SCN9A: variants seen among roughly 807,000 people sequenced by gnomAD.
SCN9A encodes sodium channel protein type 9 subunit alpha.
SCN9A carries 131 observed loss-of-function variants against 187.0 expected under a neutral mutation model. The ratio of observed to expected loss-of-function variants is 0.70; its 90% CI spans 0.61 to 0.81. The LOEUF (loss-of-function observed/expected upper bound fraction) is 0.81, where lower values mean the gene tolerates loss of function less well. SCN9A is among the 30% of genes least tolerant of loss of function. The pLI, the probability that SCN9A is intolerant of heterozygous loss-of-function variation, is 0.00. For synonymous variants in SCN9A, 809 were observed against 808.6 expected (o/e 1.00, Z -0.01); for missense variants, 2,252 against 2,396.6 (o/e 0.94, Z 1.26).
At chr2:166,289,905 C>CT (rs1243586496) in intron 9 of SCN9A, among the ~76,000 whole-genome samples, 2 of 152,156 alleles carry the variant, frequency 1.3e-5, no homozygotes, top group East Asian at 3.9e-4. Context: ...TGATGATGAG[C>CT]TTTTTTTCAT....
intron 1 of SCN9A, among the ~76,000 whole-genome samples, chr2:166,359,821 A>C (rs1443220055): frequency 1.3e-5 from 2 of 151,926 alleles, no homozygotes; most frequent in East Asian, 3.9e-4. Context: ...TGGGTATTTC[A>C]TAATACCCTG....
intron 1 of SCN9A, among the ~76,000 whole-genome samples, chr2:166,373,036 C>T (rs1421482518): frequency 1.3e-5 from 2 of 152,086 alleles, no homozygotes; most frequent in Admixed American, 6.5e-5. Flanking sequence ...AAAAAAACCT[C>T]GAGTTGAGAT....
intron 17 of SCN9A, 134 bp downstream of exon 17, chr2:166,272,265 G>T: frequency 1.7e-6 from 1 of 574,416 alleles, no homozygotes. Context: ...AAGCTGTTGT[G>T]TAAAGTCACG....
At chr2:166,365,992 G>C (rs1700405468) in intron 1 of SCN9A, among the ~76,000 whole-genome samples, 1 of 152,188 alleles carries the variant, frequency 6.6e-6, no homozygotes, top group African/African-American at 2.4e-5. Context: ...GAGTATAAAT[G>C]CTGAGAGGAG....
rs116773598 is a variant in SCN9A, at chr2:166,344,982, C to T, written c.-51+30715G>A. Among the ~76,000 whole-genome samples, 310 of 152,258 alleles carry T rather than the reference C, an allele frequency of 2.0e-3. 1 individual carries two copies. Among genetic ancestry groups the T allele is most frequent in the African/African-American group, 7.1e-3 (297 of 41,556 alleles). On this transcript the variant is annotated intron_variant, in intron 1 of 26. Transcript: ENST00000642356. ...AGGAACTAAATGGAAGCTTTGACTA[C>T]ATTTCAGACCTCATGAAAGAAATAA...
At chr2:166,304,040 C>T in intron 6 of SCN9A, 198 bp downstream of exon 6, 1 of 1,613,182 alleles carries the variant, frequency 6.2e-7, no homozygotes, top group Non-Finnish European at 8.5e-7. Context: ...CCTGGAATGA[C>T]TGAAATTGTT....
chr2:166,215,424 C>A (rs1336445384), intron 24 of SCN9A, among the ~76,000 whole-genome samples: 1 of 151,878 alleles, frequency 6.6e-6, no homozygotes. Flanking sequence ...CCAAACTTTG[C>A]AGAAGGAAGA....
At chr2:166,370,220 A>C (rs141345692) in intron 1 of SCN9A, among the ~76,000 whole-genome samples, 21,834 of 97,048 alleles carry the variant, frequency 0.22, 1,778 homozygotes, top group Middle Eastern at 0.29. Context: ...TAATAATAAT[A>C]ATAATAATAA....
chr2:166,215,860 A>T (rs1230553812), intron 24 of SCN9A, among the ~76,000 whole-genome samples: 1 of 152,046 alleles, frequency 6.6e-6, no homozygotes, highest in African/African-American at 2.4e-5. Flanking sequence ...CTTCCAAAAA[A>T]TTGAAAAGGA....
intron 1 of SCN9A, among the ~76,000 whole-genome samples, chr2:166,319,304 T>A: frequency 6.7e-6 from 1 of 150,014 alleles, no homozygotes. Flanking sequence ...AAAATTTAAC[T>A]CCTTTTTATC....
rs1287744644 is a variant in SCN9A, at chr2:166,311,234, A to G, written c.258+265T>C. 8.9e-5 allele frequency among the ~76,000 whole-genome samples: 12 copies of G among 135,116 alleles called. No homozygotes were observed. In the East Asian group the frequency reaches 1.8e-3, roughly 20 times the overall value. 88.6% of individuals were successfully genotyped at this position (135,116 alleles called of 152,430 possible). A position where few individuals can be genotyped will look rare whatever the true frequency, so the allele number is the denominator to read the frequency against. ...GCACAATGTGCACATGTACCCTAAA[A>G]CTTAAAGTATAATTAAAAAAAAAAA... On this transcript the variant is annotated intron_variant, in intron 2 of 26. Coordinates refer to ENST00000642356, the MANE Select transcript of SCN9A (RefSeq NM_001365536.1).
chr2:166,247,668 C>T (rs1011531329), intron 18 of SCN9A, among the ~76,000 whole-genome samples: 4 of 152,086 alleles, frequency 2.6e-5, no homozygotes, highest in African/African-American at 9.7e-5. Context: ...AGGCGCTCAC[C>T]ACCAGGCTCA....
chr2:166,348,847 C>T (rs749525560), intron 1 of SCN9A, among the ~76,000 whole-genome samples: 2 of 152,014 alleles, frequency 1.3e-5, no homozygotes, highest in Non-Finnish European at 2.9e-5. Flanking sequence ...AAGTAGTGGC[C>T]GGGTGCAGTG....
At position 166,304,025 on chromosome 2, in the gene SCN9A, T is replaced by G. The variant is rs757678036; in HGVS notation, c.688+213A>C. On this transcript the variant is annotated intron_variant, in intron 6 of 26. Transcript: ENST00000642356. ...AGTCAGCCCTGGTGTTTAACCCCAC[T>G]CTCACCTGGAATGACTGAAATTGTT... is the stretch of plus-strand genomic sequence containing the variant. The G allele has an allele frequency of 3.1e-6, 5 of 1,612,596 alleles. No individual in the cohort carries two copies. The South Asian group carries it at 5.5e-5, about 18-fold the overall frequency.
chr2:166,359,996 C>T (rs1559062545), intron 1 of SCN9A, among the ~76,000 whole-genome samples: 1 of 151,458 alleles, frequency 6.6e-6, no homozygotes, highest in Non-Finnish European at 1.5e-5. Context: ...CCGAGGCAGG[C>T]GGATCACCTG....
chr2:166,255,449 C>T (rs1283020017), intron 17 of SCN9A, among the ~76,000 whole-genome samples: 1 of 146,776 alleles, frequency 6.8e-6, no homozygotes. Flanking sequence ...ACGATGTAAG[C>T]CTATTTCATG....
Position 166,200,258 on chromosome 2 carries a change from A to G in SCN9A, c.4775-394T>C, listed in dbSNP as rs1216779792. Among the ~76,000 whole-genome samples the G allele has an allele frequency of 3.3e-5, 5 of 151,570 alleles. No individual in the cohort carries two copies. The East Asian group carries it at 5.8e-4, about 18-fold the overall frequency. ...GTGATCCGCCCGCCTCGGCCTCCCA[A>G]AGTGCTGGGATTACAGGCGTGAGCC... On this transcript the variant is annotated intron_variant, in intron 26 of 26. Transcript: ENST00000642356.
At chr2:166,339,633 T>C (rs1017755110) in intron 1 of SCN9A, among the ~76,000 whole-genome samples, 1 of 152,162 alleles carries the variant, frequency 6.6e-6, no homozygotes, top group Admixed American at 6.6e-5. Flanking sequence ...CATCTATATT[T>C]AAATTAACAA....
chr2:166,288,212 C>G (rs1200940353), intron 10 of SCN9A, among the ~76,000 whole-genome samples: 2 of 150,134 alleles, frequency 1.3e-5, no homozygotes, highest in Admixed American at 1.3e-4. Flanking sequence ...AGAGGAACAG[C>G]CTTAGATCAC....
Sources: gnomAD v4.1 joint callset for allele counts (sites outside exome capture counted in the v4.1 genomes callset) on GRCh38, gnomAD v4.1.1 for gene constraint, MANE v1.5 for transcripts, NCBI Gene and HGNC (gene_info 2026-07-23, HGNC 2026-07-21) for gene names.